IGFL3: variants seen among roughly 807,000 people sequenced by gnomAD.
IGFL3 encodes IGF like family member 3.
In IGFL3, 12 loss-of-function variants were observed where a neutral mutation model predicts 17.0. The ratio of observed to expected loss-of-function variants is 0.71; its 90% CI spans 0.45 to 1.14. The LOEUF is 1.14. IGFL3 is among the 50% of genes most tolerant of loss of function. The pLI is 0.00. For missense variants in IGFL3, 153 were observed against 151.6 expected (o/e 1.01, Z -0.05); for synonymous variants, 52 against 57.4 (o/e 0.91, Z 0.42).
At chr19:46,122,675 G>T (rs569910887) in intron 3 of IGFL3, among the ~76,000 whole-genome samples, 1 of 151,074 alleles carries the variant, frequency 6.6e-6, no homozygotes, top group Admixed American at 6.6e-5. Flanking sequence ...TTCGGTTACT[G>T]TCAGACAACT....
chr19:46,124,542 TAA>T, intron 1 of IGFL3, 81 bp downstream of exon 1: 1 of 1,326,902 alleles, frequency 7.5e-7, no homozygotes. Flanking sequence ...ATGTTAGAGA[TAA>T]AGAGGAATAA....
Position 46,124,317 on chromosome 19 carries a change from A to G in IGFL3, c.30T>C (p.Leu10=), listed in dbSNP as rs1195308506. The change falls in exon 2 of 4, where the codon CTT becomes CTC. Residue 10 remains leucine, a synonymous_variant. Coordinates refer to ENST00000341415, the MANE Select transcript of IGFL3 (RefSeq NM_207393.2). ...GGAGGAAGACTGTTATCCAGCAGAC[A>G]AGAGCTAAGGGAGAAAGGAAAAAGG... MRPRCCILA[L]VCWITVFLLQ... is the part of the protein sequence containing the mutation. 8.1e-6 allele frequency: 13 copies of G among 1,609,914 alleles called. No homozygotes were observed. The highest frequency in any genetic ancestry group is 1.7e-5 in the Admixed American group (1 of 59,638).
intron 3 of IGFL3, among the ~76,000 whole-genome samples, chr19:46,122,853 A>G (rs1971852140): frequency 6.6e-6 from 1 of 150,896 alleles, no homozygotes; most frequent in African/African-American, 2.5e-5. Flanking sequence ...AAGGGGAGGA[A>G]GGACTTGTTT....
chr19:46,121,394 GAAAA>G (rs113082923), intron 3 of IGFL3, among the ~76,000 whole-genome samples: 1 of 124,414 alleles, frequency 8.0e-6, no homozygotes. Flanking sequence ...ATCCTGTCTT[GAAAA>G]AAAAAAAAAA....
intron 1 of IGFL3, 51 bp from the exon 2 acceptor site, chr19:46,124,372 A>G (rs780750717): frequency 6.5e-7 from 1 of 1,549,580 alleles, no homozygotes; most frequent in African/African-American, 1.4e-5. Context: ...TGTGACAAGT[A>G]TGGAAAAAAC....
chr19:46,123,887 T>C lies in IGFL3; in HGVS notation c.349A>G (p.Arg117Gly), dbSNP rs562896620. The change falls in exon 3 of 4, where the codon AGG becomes GGG. Residue 117 changes from arginine (R) to glycine (G), a missense_variant and splice_region_variant. Arg to Gly is a moderately radical substitution (Grantham distance 125). Transcript: ENST00000341415. ...HLSPISRSCT[R>G]NRRHVLYP ...TAAGAGCAAGGTAGGGACCTTTACC[T>C]GGTACAGCTCCGGGAGATGGGAGAT... is the stretch of plus-strand genomic sequence containing the variant. The C allele has an allele frequency of 1.9e-5, 30 of 1,608,758 alleles. 1 individual carries two copies. Among genetic ancestry groups the C allele is most frequent in the Non-Finnish European group, 1.9e-5 (22 of 1,178,360 alleles).
chr19:46,121,880 A>G (rs1298943726), intron 3 of IGFL3, among the ~76,000 whole-genome samples: 1 of 150,972 alleles, frequency 6.6e-6, no homozygotes, highest in Non-Finnish European at 1.5e-5. Context: ...GATAATGGTA[A>G]GGTTGCAGTG....
intron 1 of IGFL3, 32 bp downstream of exon 1, chr19:46,124,593 G>A: frequency 6.3e-7 from 1 of 1,587,448 alleles, no homozygotes; most frequent in Non-Finnish European, 8.6e-7. Flanking sequence ...GGAATGAGAT[G>A]AGATGATGTT....
Position 46,124,307 on chromosome 19 carries a change from T to C in IGFL3, c.40A>G (p.Ile14Val), listed in dbSNP as rs1205369268. 5.0e-6 allele frequency: 8 copies of C among 1,610,504 alleles called. 1 individual carries two copies. The highest frequency in any genetic ancestry group is 1.7e-5 in the Admixed American group (1 of 59,650). Reference protein sequence around the residue: ...RCCILALVCWITVFLLQCSKG... With the variant: ...RCCILALVCWVTVFLLQCSKG... ...GAACACTGGAGGAGGAAGACTGTTA[T>C]CCAGCAGACAAGAGCTAAGGGAGAA... Residue 14 changes from isoleucine to valine, a missense_variant, in exon 2 of 4, where the codon ATA becomes GTA. By Grantham distance (29) the Ile-to-Val change is conservative. Coordinates refer to ENST00000341415, the MANE Select transcript of IGFL3 (RefSeq NM_207393.2).
Position 46,123,193 on chromosome 19 carries a change from A to G in IGFL3, c.350+693T>C, listed in dbSNP as rs1303758497. Among the ~76,000 whole-genome samples, 7 of 150,928 alleles carry G rather than the reference A, an allele frequency of 4.6e-5. 1 individual carries two copies. The highest frequency in any genetic ancestry group is 1.7e-4 in the African/African-American group (7 of 40,654). On this transcript the variant is annotated intron_variant, in intron 3 of 3. Coordinates refer to ENST00000341415, the MANE Select transcript of IGFL3 (RefSeq NM_207393.2). ...TAACCGATTTAGAAACCATAATAAAAGGACAGATATTTAGCCAGAGATATC... is the reference window on the plus strand; with the variant it reads ...TAACCGATTTAGAAACCATAATAAAGGGACAGATATTTAGCCAGAGATATC...
intron 3 of IGFL3, among the ~76,000 whole-genome samples, chr19:46,121,248 T>C (rs896414826): frequency 2.0e-5 from 3 of 149,032 alleles, no homozygotes; most frequent in Non-Finnish European, 4.4e-5. Flanking sequence ...GTTAGCCAGA[T>C]GTGGTGGCAT....
chr19:46,123,926 A>C lies in IGFL3; in HGVS notation c.310T>G (p.Ser104Ala), dbSNP rs1397283258. Residue 104 changes from serine (S) to alanine (A), a missense_variant, in exon 3 of 4, where the codon TCT (serine) becomes GCT (alanine). Ser to Ala is a moderately conservative substitution (Grantham distance 99). Transcript: ENST00000341415. Reference protein sequence around the residue: ...LVKLRVLGMKSQCHLSPISRS... With the variant: ...LVKLRVLGMKAQCHLSPISRS... ...GAGATGGGAGATAAGTGACACTGAG[A>C]CTTCATACCCAGAACCCTCAACTTC... The C allele has an allele frequency of 6.2e-7, 1 of 1,611,332 alleles. No individual in the cohort carries two copies. Among genetic ancestry groups the C allele is most frequent in the African/African-American group, 1.4e-5 (1 of 73,900 alleles).
rs1041139192 is a variant in IGFL3 at position 46,120,940 on chromosome 19, T to C, written c.351-583A>G. 1.1e-4 allele frequency among the ~76,000 whole-genome samples: 16 copies of C among 150,894 alleles called. 1 individual carries two copies. The highest frequency in any genetic ancestry group is 1.9e-4 in the Non-Finnish European group (13 of 67,950). The stretch of plus-strand genomic sequence containing the variant: ...CATAAATACAACTATAATTTGTCAA[T>C]TTAAATTAAAAAATTAAAAAATAAA... On this transcript the variant is annotated intron_variant, in intron 3 of 3. Coordinates refer to ENST00000341415, the MANE Select transcript of IGFL3 (RefSeq NM_207393.2).
Position 46,122,528 on chromosome 19 carries a change from G to A in IGFL3, c.350+1358C>T, listed in dbSNP as rs1034635028. On this transcript the variant is annotated intron_variant, in intron 3 of 3. Coordinates refer to ENST00000341415, the MANE Select transcript of IGFL3 (RefSeq NM_207393.2). ...TGTTGTTTGTTTTCCATAGTCAACA[G>A]TTTTAGCACAAGGACTTTAGAAAAT... Among the ~76,000 whole-genome samples, 12 of 150,960 alleles carry A rather than the reference G, an allele frequency of 7.9e-5. 1 individual carries two copies. Among genetic ancestry groups the A allele is most frequent in the Admixed American group, 2.6e-4 (4 of 15,122 alleles).
intron 3 of IGFL3, among the ~76,000 whole-genome samples, chr19:46,123,613 A>G (rs1420104344): frequency 1.3e-5 from 2 of 150,788 alleles, no homozygotes; most frequent in Non-Finnish European, 2.9e-5. Context: ...CAGGAAGGCA[A>G]CTGCACTGCT....
chr19:46,120,212 T>C lies in IGFL3; in HGVS notation c.*118A>G, dbSNP rs956075317. 13 of 1,471,350 alleles carry C rather than the reference T, an allele frequency of 8.8e-6. 1 individual carries two copies. The South Asian group carries it at 1.4e-4, about 15-fold the overall frequency. The allele number at this position is 1,471,350 out of a possible 1,614,324, so 91.1% of individuals were successfully genotyped here. On this transcript the variant is annotated 3_prime_UTR_variant, in exon 4 of 4. Coordinates refer to ENST00000341415, the MANE Select transcript of IGFL3 (RefSeq NM_207393.2). ...TGGGCTCCTCTCCAAAGCTATGTCA[T>C]TGAGCCATCCCTCTGAAGTCAAGTT...
In IGFL3 at chr19:46,124,560, G is replaced by A. The variant is rs541783184; in HGVS notation, c.25+65C>T. The A allele has an allele frequency of 4.1e-5, 58 of 1,430,580 alleles. 4 individuals carry two copies. The East Asian group carries it at 1.1e-3, about 27-fold the overall frequency. The allele number at this position is 1,430,580 out of a possible 1,614,324, so 88.6% of individuals were successfully genotyped here. On this transcript the variant is annotated intron_variant, in intron 1 of 3. Transcript: ENST00000341415. ...TTAGAGATAAAGAGGAATAAATCGGGTTGAGGTTTGGGAGCTGCACTGGGA... is the reference window on the plus strand; with the variant it reads ...TTAGAGATAAAGAGGAATAAATCGGATTGAGGTTTGGGAGCTGCACTGGGA...
At position 46,120,353 on chromosome 19, in the gene IGFL3, T is replaced by G. The variant is rs1568402363; in HGVS notation, c.355A>C (p.Arg119=). 1.2e-6 allele frequency: 2 copies of G among 1,611,220 alleles called. No individual in the cohort carries two copies. Among genetic ancestry groups the G allele is most frequent in the Admixed American group, 3.4e-5 (2 of 59,628 alleles). Residue 119 remains arginine (R), a synonymous_variant, in exon 4 of 4, where the codon AGG becomes CGG. Coordinates refer to ENST00000341415, the MANE Select transcript of IGFL3 (RefSeq NM_207393.2). ...TTTTATGGGTACAGGACGTGCCTCC[T>G]GTTCCTATCACAGTGCCCCAAATCA... ...SPISRSCTRN[R]RHVLYP is the part of the protein sequence containing the mutation.
At chr19:46,124,387 A>C in intron 1 of IGFL3, 66 bp from the exon 2 acceptor site, 2 of 1,493,598 alleles carry the variant, frequency 1.3e-6, no homozygotes, top group South Asian at 2.3e-5. Flanking sequence ...AAAAACAAAC[A>C]AACAAACAAA....
Sources: allele counts gnomAD v4.1 joint callset (sites outside exome capture counted in the v4.1 genomes callset), GRCh38; gene constraint gnomAD v4.1.1; transcripts MANE v1.5; gene names NCBI Gene and HGNC (gene_info 2026-07-23, HGNC 2026-07-21).